Variants in GRK7 observed in about 807,000 individuals in gnomAD.
The protein encoded by GRK7 is G protein-coupled receptor kinase 7.
GRK7 carries 24 observed loss-of-function variants against 34.1 expected under a neutral mutation model. The observed-to-expected ratio is 0.70, with a 90% CI of 0.51 to 0.99. The LOEUF is 0.99. GRK7 is among the 50% of genes least tolerant of loss of function. The pLI, the probability that GRK7 is intolerant of heterozygous loss-of-function variation, is 0.00. For synonymous variants in GRK7, 256 were observed against 279.4 expected, an observed-to-expected ratio of 0.92 and a Z score of 0.84; for missense variants, 644 against 707.3, an observed-to-expected ratio of 0.91 and a Z score of 1.02.
the GRK7 span, among the ~76,000 whole-genome samples, chr3:141,756,871 G>C: frequency 9.2e-5 from 14 of 152,126 alleles, no homozygotes; most frequent in Admixed American, 3.9e-4. Context: ...ACCTGAGAAA[G>C]CTCCTTGGAG....
intron 4 of GRK7, among the ~76,000 whole-genome samples, chr3:141,794,627 G>C (rs546992457): frequency 3.3e-4 from 51 of 152,306 alleles, no homozygotes; most frequent in Non-Finnish European, 6.8e-4. Flanking sequence ...TTCAAATTTT[G>C]TTTTGAAAAG....
At chr3:141,760,108 CT>C (rs1407124349), upstream of GRK7, among the ~76,000 whole-genome samples, 1 of 151,544 alleles carries the variant, frequency 6.6e-6, no homozygotes, top group African/African-American at 2.4e-5. Flanking sequence ...AAAAAACCAG[CT>C]CCTGGATTCA....
rs1299148967 is a variant in GRK7, at chr3:141,774,645, A to C, written c.-149A>C. 6.6e-6 allele frequency among the ~76,000 whole-genome samples: 1 copy of C among 152,092 alleles called. No individual in the cohort carries two copies. The highest frequency in any genetic ancestry group is 2.4e-5 in the African/African-American group (1 of 41,424). Reference sequence around the variant, plus strand: ...CGGGAAAAGGCATTTGCTCCTCCGAAGAAATTCTCAGACTGATTTTTCACT... The same window carrying C: ...CGGGAAAAGGCATTTGCTCCTCCGACGAAATTCTCAGACTGATTTTTCACT... On this transcript the variant is annotated 5_prime_UTR_variant, in exon 2 of 6. Coordinates refer to ENST00000682958, the MANE Select transcript of GRK7 (RefSeq NM_139209.3).
chr3:141,790,808 C>T (rs188679050), intron 4 of GRK7, among the ~76,000 whole-genome samples: 84 of 152,286 alleles, frequency 5.5e-4, no homozygotes, highest in Middle Eastern at 3.4e-3. Context: ...AGGTGATCTG[C>T]CCACCTCGGC....
chr3:141,800,343 A>G (rs1048984376), intron 4 of GRK7, among the ~76,000 whole-genome samples: 17 of 147,138 alleles, frequency 1.2e-4, no homozygotes, highest in African/African-American at 4.0e-4. Context: ...CTTCACTCTT[A>G]AATATGAATG....
chr3:141,792,913 C>T (rs1287547207), intron 4 of GRK7, among the ~76,000 whole-genome samples: 1 of 152,110 alleles, frequency 6.6e-6, no homozygotes, highest in East Asian at 1.9e-4. Flanking sequence ...GTAATGAAGA[C>T]TCCATAAAAA....
chr3:141,750,159 G>T, the GRK7 span, among the ~76,000 whole-genome samples: 1 of 152,122 alleles, frequency 6.6e-6, no homozygotes, highest in African/African-American at 2.4e-5. Flanking sequence ...AAAAGTAATG[G>T]CATAAACCAT....
intron 1 of GRK7, among the ~76,000 whole-genome samples, chr3:141,766,960 C>G (rs562410829): frequency 1.2e-4 from 19 of 152,344 alleles, no homozygotes; most frequent in African/African-American, 4.3e-4. Flanking sequence ...TTCATTTTCT[C>G]TCTTAGCTAC....
chr3:141,811,625 C>T (rs902251802), intron 5 of GRK7, among the ~76,000 whole-genome samples: 6 of 152,018 alleles, frequency 3.9e-5, no homozygotes, highest in Non-Finnish European at 7.4e-5. Flanking sequence ...TTCTTACGGC[C>T]TCTATAATTG....
At chr3:141,800,806 G>T (rs1710952466) in intron 4 of GRK7, among the ~76,000 whole-genome samples, 1 of 152,156 alleles carries the variant, frequency 6.6e-6, no homozygotes, top group South Asian at 2.1e-4. Context: ...CTGGCAAGGG[G>T]CACAAGGGAA....
chr3:141,792,618 T>C (rs1439023386), intron 4 of GRK7, among the ~76,000 whole-genome samples: 1 of 152,116 alleles, frequency 6.6e-6, no homozygotes, highest in Non-Finnish European at 1.5e-5. Context: ...GTGTCTCAGA[T>C]TGGGCTCCCT....
upstream of GRK7, among the ~76,000 whole-genome samples, chr3:141,762,470 G>A (rs553311693): frequency 3.9e-4 from 58 of 150,208 alleles, 1 homozygote; most frequent in Middle Eastern, 3.4e-3. Flanking sequence ...CAGTCTGCCC[G>A]TTCTCAGATC....
At chr3:141,788,601 G>A (rs1398397178) in intron 4 of GRK7, among the ~76,000 whole-genome samples, 5 of 152,144 alleles carry the variant, frequency 3.3e-5, no homozygotes, top group East Asian at 3.9e-4. Context: ...TAGTGACTCC[G>A]GGAGGTGCTT....
intron 4 of GRK7, among the ~76,000 whole-genome samples, chr3:141,801,182 G>A (rs1710958596): frequency 6.6e-6 from 1 of 151,952 alleles, no homozygotes. Flanking sequence ...GTGGTGGCAG[G>A]TGCCTGTAGT....
chr3:141,753,718 A>G, the GRK7 span, among the ~76,000 whole-genome samples: 1 of 152,228 alleles, frequency 6.6e-6, no homozygotes, highest in Non-Finnish European at 1.5e-5. Flanking sequence ...CTGCTGTCAT[A>G]TCTGATCTAA....
chr3:141,809,061 A>G (rs4594596), intron 5 of GRK7, among the ~76,000 whole-genome samples: 120,288 of 151,790 alleles, frequency 0.79, 48,527 homozygotes, highest in African/African-American at 0.95. Context: ...AAATAGCCAG[A>G]AGTGGTGGCA....
At chr3:141,751,961 G>A in the GRK7 span, among the ~76,000 whole-genome samples, 2 of 152,210 alleles carry the variant, frequency 1.3e-5, no homozygotes, top group South Asian at 2.1e-4. Context: ...TCTGTTTTAA[G>A]TGACCTTCTG....
At chr3:141,798,775 G>A (rs1046129066) in intron 4 of GRK7, among the ~76,000 whole-genome samples, 15 of 152,226 alleles carry the variant, frequency 9.9e-5, no homozygotes. Context: ...GAATGTGGGT[G>A]CTTAAAGTCT....
intron 4 of GRK7, among the ~76,000 whole-genome samples, chr3:141,797,085 T>C (rs560666790): frequency 3.9e-5 from 6 of 152,046 alleles, no homozygotes; most frequent in Non-Finnish European, 8.8e-5. Context: ...CCAACGCCAG[T>C]GTGGGAGCCA....
Sources: gnomAD v4.1 joint callset for allele counts (sites outside exome capture counted in the v4.1 genomes callset) on GRCh38, gnomAD v4.1.1 for gene constraint, MANE v1.5 for transcripts, NCBI Gene and HGNC (gene_info 2026-07-23, HGNC 2026-07-21) for gene names.